CGB7: variants seen among roughly 807,000 people sequenced by gnomAD.
The protein encoded by CGB7 is choriogonadotropin subunit beta 7.
Under a neutral mutation model 7.3 loss-of-function variants are expected in CGB7, and 6 were observed. The observed-to-expected ratio is 0.82, with a 90% CI of 0.45 to 1.62. CGB7 has a LOEUF of 1.62. Among genes scored for constraint, CGB7 ranks in the 40% most tolerant of loss-of-function variants. The pLI, the probability that CGB7 is intolerant of heterozygous loss-of-function variation, is 0.01. For synonymous variants in CGB7, 47 were observed against 100.8 expected, an observed-to-expected ratio of 0.47 and a Z score of 3.20; for missense variants, 114 against 236.2, an observed-to-expected ratio of 0.48 and a Z score of 3.39.
chr19:49,056,252 G>T lies in CGB7; in HGVS notation c.-877C>A. The T allele has an allele frequency of 1.6e-6, 2 of 1,290,058 alleles. No individual in the cohort carries two copies. The highest frequency in any genetic ancestry group is 1.0e-6 in the Non-Finnish European group (1 of 989,198). 79.9% of individuals were successfully genotyped at this position (1,290,058 alleles called of 1,614,324 possible). On this transcript the variant is annotated 5_prime_UTR_variant, in exon 3 of 5. Coordinates refer to ENST00000684222, the MANE Select transcript of CGB7 (RefSeq NM_001385261.1). ...CACGCCAGGGGGCGTGTCTGGGGTG[G>T]GGCTGGCCCGGCAGGCTCCCACTAG...
rs1213166102 is a variant in CGB7 at position 49,056,389 on chromosome 19, G to T, written c.-1014C>A. ...GGCCACCCCAAGTCGCCTCCAGCGG[G>T]CGGAAGCGGTCGAGCCGGCGGAGCG... On this transcript the variant is annotated 5_prime_UTR_variant, in exon 3 of 5. Coordinates refer to ENST00000684222, the MANE Select transcript of CGB7 (RefSeq NM_001385261.1). 14 of 1,295,758 alleles carry T rather than the reference G, an allele frequency of 1.1e-5. No homozygotes were observed. The highest frequency in any genetic ancestry group is 1.4e-5 in the Non-Finnish European group (14 of 992,610). The allele number at this position is 1,295,758 out of a possible 1,614,324, so 80.3% of individuals were successfully genotyped here. A position where few individuals can be genotyped will look rare whatever the true frequency, so the allele number is the denominator to read the frequency against.
Position 49,055,726 on chromosome 19 carries a change from G to C in CGB7, c.-351C>G, listed in dbSNP as rs1028882464. 7.9e-7 allele frequency: 1 copy of C among 1,260,674 alleles called. No homozygotes were observed. Among genetic ancestry groups the C allele is most frequent in the Non-Finnish European group, 1.0e-6 (1 of 992,354 alleles). 78.1% of individuals were successfully genotyped at this position (1,260,674 alleles called of 1,614,324 possible). On this transcript the variant is annotated 5_prime_UTR_variant, in exon 3 of 5. Coordinates refer to ENST00000684222, the MANE Select transcript of CGB7 (RefSeq NM_001385261.1). Reference sequence around the variant, plus strand: ...GGGAACCAGGAGGAGGCCGTGACCCGAGAAAGGTGCTGGACTGAAGCCTCA... The same window carrying C: ...GGGAACCAGGAGGAGGCCGTGACCCCAGAAAGGTGCTGGACTGAAGCCTCA...
chr19:49,055,554 C>A lies in CGB7; in HGVS notation c.-179G>T. 1 of 1,539,656 alleles carries A rather than the reference C, an allele frequency of 6.5e-7. No individual in the cohort carries two copies. On this transcript the variant is annotated 5_prime_UTR_variant, in exon 3 of 5. Coordinates refer to ENST00000684222, the MANE Select transcript of CGB7 (RefSeq NM_001385261.1). ...CTCAGCGGAGCACCCCAGTCCTCTC[C>A]CCTCAGTGGTCTAGCGCCAAGGATG...
Position 49,056,491 on chromosome 19 carries a change from C to CA in CGB7, c.-1117dup. On this transcript the variant is annotated 5_prime_UTR_variant, in exon 3 of 5. Coordinates refer to ENST00000684222, the MANE Select transcript of CGB7 (RefSeq NM_001385261.1). Reference sequence around the variant, plus strand: ...CGGCGCTCGAGGCGGCCTGGAAGAGCAGAGACAGGGCTGCCGCTGCGGGTC... The same window carrying CA: ...CGGCGCTCGAGGCGGCCTGGAAGAGCAAGAGACAGGGCTGCCGCTGCGGGTC... The CA allele has an allele frequency of 7.7e-7, 1 of 1,302,052 alleles. No homozygotes were observed. The highest frequency in any genetic ancestry group is 1.0e-6 in the Non-Finnish European group (1 of 997,126). 80.7% of individuals were successfully genotyped at this position (1,302,052 alleles called of 1,614,324 possible).
chr19:49,056,365 G>C lies in CGB7; in HGVS notation c.-990C>G. ...TGCCCGGCAGGGGCTTCCAGTGGGG[G>C]CCACCCCAAGTCGCCTCCAGCGGGC... On this transcript the variant is annotated 5_prime_UTR_variant, in exon 3 of 5. Transcript: ENST00000684222. 1.5e-6 allele frequency: 2 copies of C among 1,295,602 alleles called. No homozygotes were observed. Among genetic ancestry groups the C allele is most frequent in the Non-Finnish European group, 2.0e-6 (2 of 992,436 alleles). 80.3% of individuals were successfully genotyped at this position (1,295,602 alleles called of 1,614,324 possible).
Position 49,055,483 on chromosome 19 carries a change from C to T in CGB7, c.-108G>A, listed in dbSNP as rs761230734. The T allele has an allele frequency of 5.6e-6, 9 of 1,605,482 alleles. No individual in the cohort carries two copies. Among genetic ancestry groups the T allele is most frequent in the East Asian group, 2.2e-5 (1 of 44,804 alleles). The stretch of plus-strand genomic sequence containing the variant: ...TGCTGGAGTGAGCTGGACACTAACC[C>T]TTCGGGGGGCGAGAAGTAGACAAGG... On this transcript the variant is annotated 5_prime_UTR_variant, in exon 3 of 5. Coordinates refer to ENST00000684222, the MANE Select transcript of CGB7 (RefSeq NM_001385261.1).
chr19:49,055,780 C>T lies in CGB7; in HGVS notation c.-405G>A, dbSNP rs1350700389. 3.5e-6 allele frequency: 4 copies of T among 1,132,932 alleles called. No homozygotes were observed. The highest frequency in any genetic ancestry group is 4.4e-6 in the Non-Finnish European group (4 of 916,118). 70.2% of individuals were successfully genotyped at this position (1,132,932 alleles called of 1,614,324 possible). A position where few individuals can be genotyped will look rare whatever the true frequency, so the allele number is the denominator to read the frequency against. ...CTCCTCTACTTGAGCCATTCCTGCA[C>T]CACAGTCCAACCTAACAGGAGGGGC... On this transcript the variant is annotated 5_prime_UTR_variant, in exon 3 of 5. It adds an upstream start codon to the 5' untranslated region. Coordinates refer to ENST00000684222, the MANE Select transcript of CGB7 (RefSeq NM_001385261.1).
chr19:49,057,425 GCTTCCTTTCT>G (rs2122211587), intron 1 of CGB7, 27 bp downstream of exon 1: 1 of 1,376,244 alleles, frequency 7.3e-7, no homozygotes, highest in South Asian at 1.5e-5. Context: ...GGGAACTTCA[GCTTCCTTTCT>G]CATACCCGAA....
In CGB7 at chr19:49,055,555, C is replaced by T. The variant is rs935791139; in HGVS notation, c.-180G>A. The stretch of plus-strand genomic sequence containing the variant: ...TCAGCGGAGCACCCCAGTCCTCTCC[C>T]CTCAGTGGTCTAGCGCCAAGGATGA... On this transcript the variant is annotated 5_prime_UTR_variant, in exon 3 of 5. Coordinates refer to ENST00000684222, the MANE Select transcript of CGB7 (RefSeq NM_001385261.1). 2.0e-4 allele frequency: 310 copies of T among 1,538,204 alleles called. 8 individuals are homozygous for T. The highest frequency in any genetic ancestry group is 1.8e-3 in the South Asian group (147 of 79,718).
intron 3 of CGB7, 28 bp from the exon 4 acceptor site, chr19:49,055,036 G>T (rs1223453615): frequency 1.2e-6 from 2 of 1,601,110 alleles, no homozygotes; most frequent in Non-Finnish European, 1.7e-6. Context: ...CTTCACCCGG[G>T]CCTGAGACCA....
Position 49,055,621 on chromosome 19 carries a change from C to T in CGB7, c.-246G>A. 3.5e-6 allele frequency: 5 copies of T among 1,435,984 alleles called. No homozygotes were observed. The highest frequency in any genetic ancestry group is 2.7e-6 in the Non-Finnish European group (3 of 1,095,710). 89.0% of individuals were successfully genotyped at this position (1,435,984 alleles called of 1,614,324 possible). On this transcript the variant is annotated 5_prime_UTR_variant, in exon 3 of 5. Transcript: ENST00000684222. ...GAAGTGACCTCTGAGACTCAGTCGT[C>T]GAGTGCTAGGGACTAGTCGAGGCTG...
rs917392480 is a variant in CGB7, at chr19:49,055,211, A to C, written c.15+150T>G. The C allele has an allele frequency of 1.4e-5, 22 of 1,589,260 alleles. No homozygotes were observed. In the African/African-American group the frequency reaches 2.4e-4, roughly 17 times the overall value. ...AGATGCCCCAACATTTCAGATCCCC[A>C]CCCTCAGGAACTGCCCCACGTGAAG... On this transcript the variant is annotated intron_variant, in intron 3 of 4. Coordinates refer to ENST00000684222, the MANE Select transcript of CGB7 (RefSeq NM_001385261.1).
rs1283663049 is a variant in CGB7, at chr19:49,056,231, C to T, written c.-856G>A. ...CCCAGAGCTCTGCTCCGCCCCCACGCCAGGGGGCGTGTCTGGGGTGGGGCT... is the reference window on the plus strand; with the variant it reads ...CCCAGAGCTCTGCTCCGCCCCCACGTCAGGGGGCGTGTCTGGGGTGGGGCT... On this transcript the variant is annotated 5_prime_UTR_variant, in exon 3 of 5. Transcript: ENST00000684222. The T allele has an allele frequency of 3.9e-6, 5 of 1,287,952 alleles. No individual in the cohort carries two copies. Among genetic ancestry groups the T allele is most frequent in the African/African-American group, 1.5e-5 (1 of 65,784 alleles). The allele number at this position is 1,287,952 out of a possible 1,614,324, so 79.8% of individuals were successfully genotyped here. A position where few individuals can be genotyped will look rare whatever the true frequency, so the allele number is the denominator to read the frequency against.
chr19:49,057,061 C>T (rs1176930146), intron 2 of CGB7, 60 bp downstream of exon 2: 5 of 1,505,190 alleles, frequency 3.3e-6, no homozygotes, highest in Non-Finnish European at 4.5e-6. Context: ...AGGGGCTCGG[C>T]GTGCACCGGC....
At position 49,057,516 on chromosome 19, in the gene CGB7, C is replaced by T; in HGVS notation, c.-1403G>A. ...AAGGAACTCAAATGCAGGCCCCCAG[C>T]CACCACAAAATCCCCCTGGTTCTGC... On this transcript the variant is annotated 5_prime_UTR_variant, in exon 1 of 5. Transcript: ENST00000684222. 8.1e-7 allele frequency: 1 copy of T among 1,227,112 alleles called. No homozygotes were observed. Among genetic ancestry groups the T allele is most frequent in the Non-Finnish European group, 1.0e-6 (1 of 975,094 alleles). The allele number at this position is 1,227,112 out of a possible 1,614,324, so 76.0% of individuals were successfully genotyped here.
At position 49,055,426 on chromosome 19, in the gene CGB7, G is replaced by T. The variant is rs774663134; in HGVS notation, c.-51C>A. The T allele has an allele frequency of 6.2e-7, 1 of 1,605,570 alleles. No homozygotes were observed. Among genetic ancestry groups the T allele is most frequent in the African/African-American group, 1.3e-5 (1 of 74,910 alleles). ...ACCTGGCTTTATACCTCGGGTTTGT[G>T]GGGGCGTCAAGGCCACCAGGAGGTT... On this transcript the variant is annotated 5_prime_UTR_variant, in exon 3 of 5. Transcript: ENST00000684222.
At position 49,057,615 on chromosome 19, in the gene CGB7, T is replaced by C. The variant is rs1245976257; in HGVS notation, c.-1502A>G. 2 of 1,176,864 alleles carry C rather than the reference T, an allele frequency of 1.7e-6. No homozygotes were observed. Among genetic ancestry groups the C allele is most frequent in the Admixed American group, 4.4e-5 (1 of 22,712 alleles). 72.9% of individuals were successfully genotyped at this position (1,176,864 alleles called of 1,614,324 possible). On this transcript the variant is annotated 5_prime_UTR_variant, in exon 1 of 5. Coordinates refer to ENST00000684222, the MANE Select transcript of CGB7 (RefSeq NM_001385261.1). Reference sequence around the variant, plus strand: ...TTGGGCAACAACTCCAGGTTACCTCTCCTAACTCCCACCCTACCACGTCTC... The same window carrying C: ...TTGGGCAACAACTCCAGGTTACCTCCCCTAACTCCCACCCTACCACGTCTC...
rs1466445392 is a variant in CGB7 at position 49,056,406 on chromosome 19, G to C, written c.-1031C>G. 3 of 1,296,192 alleles carry C rather than the reference G, an allele frequency of 2.3e-6. No homozygotes were observed. The African/African-American group carries it at 4.5e-5, about 20-fold the overall frequency. 80.3% of individuals were successfully genotyped at this position (1,296,192 alleles called of 1,614,324 possible). Reference sequence around the variant, plus strand: ...TCCAGCGGGCGGAAGCGGTCGAGCCGGCGGAGCGGGTGCGGCGAGGAGCTG... The same window carrying C: ...TCCAGCGGGCGGAAGCGGTCGAGCCCGCGGAGCGGGTGCGGCGAGGAGCTG... On this transcript the variant is annotated 5_prime_UTR_variant, in exon 3 of 5. Transcript: ENST00000684222.
At chr19:49,057,387 G>A in intron 1 of CGB7, 75 bp downstream of exon 1, 1 of 1,409,626 alleles carries the variant, frequency 7.1e-7, no homozygotes, top group South Asian at 1.5e-5. Context: ...CCGCCCCAGG[G>A]TCAGAGCCCT....
Sources: gnomAD v4.1 joint callset for allele counts on GRCh38, gnomAD v4.1.1 for gene constraint, MANE v1.5 for transcripts, NCBI Gene and HGNC (gene_info 2026-07-23, HGNC 2026-07-21) for gene names.